PPFIA2: variants seen among roughly 807,000 people sequenced by gnomAD.
PPFIA2 encodes the protein liprin-alpha-2.
A neutral mutation model predicts 175.5 loss-of-function variants in PPFIA2; 46 were observed. The ratio of observed to expected loss-of-function variants is 0.26; its 90% CI spans 0.21 to 0.34. The LOEUF (loss-of-function observed/expected upper bound fraction) is 0.34. Ranked by LOEUF, PPFIA2 falls within the 10% of genes least tolerant of loss-of-function variation. The pLI is 1.00. For missense variants in PPFIA2, 1,179 were observed against 1,506.1 expected (o/e 0.78, Z 3.60); for synonymous variants, 568 against 511.4 (o/e 1.11, Z -1.49).
chr12:81,280,078 A>G (rs150951651), intron 27 of PPFIA2, among the ~76,000 whole-genome samples: 149 of 152,326 alleles, frequency 9.8e-4, no homozygotes, highest in African/African-American at 3.3e-3. Context: ...GACTTCTACC[A>G]CCTTATAACA....
intron 8 of PPFIA2, among the ~76,000 whole-genome samples, chr12:81,394,399 A>C (rs1261844825): frequency 6.6e-6 from 1 of 152,060 alleles, no homozygotes; most frequent in Admixed American, 6.6e-5. Context: ...ACACTAATCA[A>C]GTACAACAGA....
rs1259142832 is a variant in PPFIA2 at position 81,325,785 on chromosome 12, T to C, written c.2634A>G (p.Leu878=). The change falls in exon 22 of 33, where the codon CTA becomes CTG. Residue 878 remains leucine (L), a synonymous_variant. Coordinates refer to ENST00000549396, the MANE Select transcript of PPFIA2 (RefSeq NM_003625.5). ...AAAATCCCCAAACCTACTTTTTCTT[T>C]AGTCTTCGATCCTTCTCAGCTTGAG... ...LGTQAEKDRR[L]KKKHELLEEA... is the part of the protein sequence containing the mutation. The C allele has an allele frequency of 1.2e-6, 2 of 1,611,360 alleles. No individual in the cohort carries two copies. Among genetic ancestry groups the C allele is most frequent in the African/African-American group, 2.7e-5 (2 of 74,814 alleles).
In PPFIA2 at chr12:81,720,025, G is replaced by A. The variant is rs116300668; in HGVS notation, c.249+33948C>T. 3.9e-3 allele frequency among the ~76,000 whole-genome samples: 582 copies of A among 150,356 alleles called. 4 individuals carry two copies. Among genetic ancestry groups the A allele is most frequent in the African/African-American group, 0.014 (558 of 41,234 alleles). On this transcript the variant is annotated intron_variant, in intron 3 of 32. Transcript: ENST00000549396. ...CTGTAAAATTGTGTCCATTCTATCT[G>A]CATTTAGAGTTAGTAAATTTAAAAA...
chr12:81,627,692 C>T lies in PPFIA2; in HGVS notation c.303+49099G>A, dbSNP rs114294875. On this transcript the variant is annotated intron_variant, in intron 4 of 32. Coordinates refer to ENST00000549396, the MANE Select transcript of PPFIA2 (RefSeq NM_003625.5). ...TACATTCTGACAATAATGCTAAGTT[C>T]ATGATCCAAGTTACCTAAGACGCAC... Among the ~76,000 whole-genome samples, 509 of 152,252 alleles carry T rather than the reference C, an allele frequency of 3.3e-3. 4 individuals carry two copies. Among genetic ancestry groups the T allele is most frequent in the African/African-American group, 0.011 (474 of 41,532 alleles).
chr12:81,325,903 T>C, intron 21 of PPFIA2, 33 bp from the exon 22 acceptor site: 3 of 1,449,266 alleles, frequency 2.1e-6, no homozygotes, highest in Non-Finnish European at 2.9e-6. Context: ...ATTCAGATTA[T>C]GTTGCATAGG....
In PPFIA2 at chr12:81,384,214, C is replaced by A; in HGVS notation, c.793G>T (p.Asp265Tyr). 1 of 1,599,772 alleles carries A rather than the reference C, an allele frequency of 6.3e-7. No individual in the cohort carries two copies. Residue 265 changes from aspartate (D) to tyrosine (Y), a missense_variant, in exon 9 of 33, where the codon GAT becomes TAT. Physicochemically the swap from Asp to Tyr is radical, Grantham distance 160. Around this residue, in one of 10 missense-constraint regions of PPFIA2, gnomAD observed 226 missense variants for 216.6 expected, o/e 1.04. Coordinates refer to ENST00000549396, the MANE Select transcript of PPFIA2 (RefSeq NM_003625.5). ...AGTTCAACTATTTGACTAGTTTCAT[C>A]GGTTGAGTCTATAGAACCATTGGAC... ...RLSNGSIDST[D>Y]ETSQIVELQE...
intron 4 of PPFIA2, among the ~76,000 whole-genome samples, chr12:81,620,499 T>C (rs912129340): frequency 2.0e-5 from 3 of 152,238 alleles, no homozygotes; most frequent in East Asian, 1.9e-4. Context: ...TAAACAAATG[T>C]CCAAAGCTTA....
chr12:81,358,588 T>G (rs188558325), intron 15 of PPFIA2, among the ~76,000 whole-genome samples: 210 of 152,302 alleles, frequency 1.4e-3, no homozygotes, highest in Non-Finnish European at 1.5e-3. Flanking sequence ...TCACAGTATG[T>G]GCTATTGATT....
chr12:81,451,592 T>C (rs2145569645), intron 5 of PPFIA2, among the ~76,000 whole-genome samples: 1 of 152,320 alleles, frequency 6.6e-6, no homozygotes, highest in East Asian at 1.9e-4. Flanking sequence ...CTATATACTC[T>C]GTTTTGTGCA....
intron 3 of PPFIA2, among the ~76,000 whole-genome samples, chr12:81,747,739 C>A (rs2083250565): frequency 7.0e-6 from 1 of 143,616 alleles, no homozygotes; most frequent in African/African-American, 2.4e-5. Context: ...CCAATTATAC[C>A]TAGGTAGTAT....
intron 18 of PPFIA2, among the ~76,000 whole-genome samples, chr12:81,347,298 T>C (rs773082826): frequency 6.6e-6 from 1 of 152,118 alleles, no homozygotes; most frequent in Non-Finnish European, 1.5e-5. Flanking sequence ...TGCTCTACCA[T>C]TGACTTACTA....
chr12:81,499,999 C>T (rs748982794), intron 4 of PPFIA2, among the ~76,000 whole-genome samples: 3 of 152,020 alleles, frequency 2.0e-5, no homozygotes, highest in Non-Finnish European at 4.4e-5. Flanking sequence ...AGGACATGAC[C>T]CCCATGCACT....
intron 4 of PPFIA2, among the ~76,000 whole-genome samples, chr12:81,558,077 A>G (rs1230013656): frequency 3.3e-5 from 5 of 152,104 alleles, no homozygotes; most frequent in Non-Finnish European, 7.4e-5. Context: ...AAGATACTCC[A>G]TTTATACTCA....
At chr12:81,598,411 A>G in intron 4 of PPFIA2, 1 of 1,019,298 alleles carries the variant, frequency 9.8e-7, no homozygotes, top group Non-Finnish European at 1.2e-6. Flanking sequence ...TAGCAGAGTG[A>G]TTATGCTAAA....
At chr12:81,591,861 G>A (rs1299469835) in intron 4 of PPFIA2, among the ~76,000 whole-genome samples, 1 of 152,082 alleles carries the variant, frequency 6.6e-6, no homozygotes, top group South Asian at 2.1e-4. Context: ...AGAAAAAAAT[G>A]TGGGGTCAAT....
intron 4 of PPFIA2, among the ~76,000 whole-genome samples, chr12:81,594,709 G>A (rs182147778): frequency 1.3e-5 from 2 of 152,202 alleles, no homozygotes; most frequent in East Asian, 1.9e-4. Context: ...GAGCCCAGGA[G>A]TTCAAGACCC....
At chr12:81,457,650 G>T in intron 5 of PPFIA2, 115 bp downstream of exon 5, 1 of 595,616 alleles carries the variant, frequency 1.7e-6, no homozygotes. Context: ...GTTACTATCT[G>T]CTTAAAGTAA....
At chr12:81,561,509 T>TC (rs201272507) in intron 4 of PPFIA2, among the ~76,000 whole-genome samples, 332 of 148,134 alleles carry the variant, frequency 2.2e-3, no homozygotes, top group African/African-American at 6.4e-3. Context: ...CAGGAGGGAG[T>TC]CCCCCCCCAA....
intron 4 of PPFIA2, among the ~76,000 whole-genome samples, chr12:81,581,747 CAAACAAAA>C (rs869150580): frequency 1.5e-4 from 23 of 151,004 alleles, no homozygotes; most frequent in East Asian, 3.9e-4. Flanking sequence ...AACAAACAAA[CAAACAAAA>C]ACAACCCTGA....
Sources: allele counts gnomAD v4.1 joint callset (sites outside exome capture counted in the v4.1 genomes callset), GRCh38; gene constraint gnomAD v4.1.1; regional missense constraint gnomAD v4.1.1; transcripts MANE v1.5; gene names NCBI Gene and HGNC (gene_info 2026-07-23, HGNC 2026-07-21).